Variants in GRIA2 observed in about 807,000 individuals in gnomAD.
GRIA2 encodes glutamate receptor 2.
Under a neutral mutation model 97.3 loss-of-function variants are expected in GRIA2, and 14 were observed. The ratio of observed to expected loss-of-function variants is 0.14; its 90% confidence interval spans 0.10 to 0.23. GRIA2 has a LOEUF of 0.23. GRIA2 is among the 10% of genes least tolerant of loss of function. The pLI is 1.00. For synonymous variants in GRIA2, 412 were observed against 387.8 expected (o/e 1.06, Z -0.73); for missense variants, 558 against 1,069.8 (o/e 0.52, Z 6.67).
At chr4:157,309,369 T>G (rs1375257909) in intron 3 of GRIA2, among the ~76,000 whole-genome samples, 2 of 149,880 alleles carry the variant, frequency 1.3e-5, no homozygotes, top group South Asian at 2.1e-4. Flanking sequence ...TTTTTTTTTT[T>G]GAAATGGAGT....
chr4:157,269,071 G>A (rs1190689869), intron 2 of GRIA2, among the ~76,000 whole-genome samples: 1 of 152,022 alleles, frequency 6.6e-6, no homozygotes, highest in Admixed American at 6.6e-5. Context: ...ATAGGCTATA[G>A]CTTAGTGCAG....
intron 9 of GRIA2, 150 bp from the exon 10 acceptor site, chr4:157,335,521 A>T: frequency 1.6e-6 from 1 of 611,832 alleles, no homozygotes; most frequent in African/African-American, 1.8e-5. Context: ...CATTATGCTT[A>T]AATTATTCCT....
chr4:157,322,015 T>A, intron 6 of GRIA2, among the ~76,000 whole-genome samples: 1 of 152,002 alleles, frequency 6.6e-6, no homozygotes, highest in East Asian at 1.9e-4. Context: ...CTTAGCGACA[T>A]GGAGGGGGTA....
intron 2 of GRIA2, among the ~76,000 whole-genome samples, chr4:157,285,778 A>G (rs1198620629): frequency 1.3e-5 from 2 of 151,544 alleles, no homozygotes; most frequent in African/African-American, 2.4e-5. Flanking sequence ...GCTTTTTTAT[A>G]AAAGTTCAAT....
At chr4:157,231,339 G>C (rs1357252073) in intron 2 of GRIA2, among the ~76,000 whole-genome samples, 1 of 151,954 alleles carries the variant, frequency 6.6e-6, no homozygotes, top group Non-Finnish European at 1.5e-5. Context: ...ATGCCTGGTC[G>C]CAATTTTATT....
chr4:157,363,262 C>A, intron 15 of GRIA2, 173 bp from the exon 16 acceptor site: 1 of 606,708 alleles, frequency 1.6e-6, no homozygotes, highest in Non-Finnish European at 2.7e-6. Context: ...CAGATTCCTG[C>A]CATAATTGTG....
intron 6 of GRIA2, among the ~76,000 whole-genome samples, 164 bp downstream of exon 6, chr4:157,321,763 T>C (rs1734581241): frequency 6.6e-6 from 1 of 152,220 alleles, no homozygotes; most frequent in South Asian, 2.1e-4. Flanking sequence ...TTTTATGGTT[T>C]AAGTAAAGCT....
chr4:157,259,632 C>T (rs910841074), intron 2 of GRIA2, among the ~76,000 whole-genome samples: 1 of 152,000 alleles, frequency 6.6e-6, no homozygotes, highest in Non-Finnish European at 1.5e-5. Flanking sequence ...GTTTTCTGTT[C>T]TCTTTACTTT....
chr4:157,311,177 G>A (rs1181957770), intron 3 of GRIA2, among the ~76,000 whole-genome samples: 1 of 151,930 alleles, frequency 6.6e-6, no homozygotes, highest in Non-Finnish European at 1.5e-5. Context: ...AGGAAATGCA[G>A]GAAAATGCTT....
At position 157,290,729 on chromosome 4, in the gene GRIA2, G is replaced by A. The variant is rs146022557; in HGVS notation, c.230-12823G>A. Among the ~76,000 whole-genome samples the A allele has an allele frequency of 5.5e-3, 839 of 151,672 alleles. 27 individuals carry two copies. Among genetic ancestry groups the A allele is most frequent in the Admixed American group, 0.051 (781 of 15,172 alleles). ...AGTTTGAAATCAGAACATATGCTTT[G>A]ATTCATTGATAAAGTGTTTTAGAAG... On this transcript the variant is annotated intron_variant, in intron 2 of 15. Transcript: ENST00000264426.
chr4:157,246,904 AC>A (rs1380471903), intron 2 of GRIA2, among the ~76,000 whole-genome samples: 2 of 152,098 alleles, frequency 1.3e-5, no homozygotes, highest in African/African-American at 4.8e-5. Context: ...GTCCATTTTC[AC>A]TTTAGATTTC....
At chr4:157,294,850 A>T (rs1283580660) in intron 2 of GRIA2, among the ~76,000 whole-genome samples, 1 of 152,122 alleles carries the variant, frequency 6.6e-6, no homozygotes, top group African/African-American at 2.4e-5. Context: ...TTCAAATTTC[A>T]TCAGGGCATA....
intron 11 of GRIA2, among the ~76,000 whole-genome samples, chr4:157,339,623 A>C (rs934165005): frequency 2.6e-5 from 4 of 151,926 alleles, no homozygotes; most frequent in South Asian, 2.1e-4. Context: ...TAATTTTTAC[A>C]ACTGGAATAG....
intron 2 of GRIA2, among the ~76,000 whole-genome samples, chr4:157,280,447 T>A (rs1732543213): frequency 6.6e-6 from 1 of 152,162 alleles, no homozygotes; most frequent in Admixed American, 6.5e-5. Context: ...GTTGTATTAA[T>A]TATATATTAC....
intron 2 of GRIA2, among the ~76,000 whole-genome samples, chr4:157,258,711 T>C (rs560372297): frequency 6.6e-6 from 1 of 152,176 alleles, no homozygotes; most frequent in Admixed American, 6.6e-5. Flanking sequence ...TTGCGGCTTC[T>C]GGGGCATCAC....
chr4:157,283,214 A>G (rs1262559959), intron 2 of GRIA2, among the ~76,000 whole-genome samples: 1 of 151,984 alleles, frequency 6.6e-6, no homozygotes, highest in Non-Finnish European at 1.5e-5. Context: ...ATGTTGATTT[A>G]ATTTGGCTTC....
At chr4:157,236,890 A>C (rs1730275987) in intron 2 of GRIA2, among the ~76,000 whole-genome samples, 1 of 152,144 alleles carries the variant, frequency 6.6e-6, no homozygotes, top group Non-Finnish European at 1.5e-5. Context: ...TTAAAGTAGC[A>C]CACTTGTGAT....
At chr4:157,233,609 A>G (rs2126699022) in intron 2 of GRIA2, among the ~76,000 whole-genome samples, 1 of 152,188 alleles carries the variant, frequency 6.6e-6, no homozygotes, top group Middle Eastern at 3.4e-3. Context: ...TGATAATATT[A>G]TTGGAGGCAT....
At chr4:157,296,450 A>G (rs1349521449) in intron 2 of GRIA2, among the ~76,000 whole-genome samples, 3 of 152,136 alleles carry the variant, frequency 2.0e-5, no homozygotes, top group Non-Finnish European at 4.4e-5. Context: ...AAAACTTCTG[A>G]TTTGGATATT....
Sources: allele counts gnomAD v4.1 joint callset (sites outside exome capture counted in the v4.1 genomes callset), GRCh38; gene constraint gnomAD v4.1.1; transcripts MANE v1.5; gene names NCBI Gene and HGNC (gene_info 2026-07-23, HGNC 2026-07-21).